The following MMS22L variants were observed in gnomAD, a reference collection of about 807,000 sequenced individuals.
The protein encoded by MMS22L is protein MMS22-like.
MMS22L carries 74 observed loss-of-function variants against 159.1 expected under a neutral mutation model. The observed-to-expected ratio is 0.47, with a 90% CI of 0.39 to 0.56. The LOEUF (loss-of-function observed/expected upper bound fraction) is 0.56. Ranked by LOEUF, MMS22L falls within the 20% of genes least tolerant of loss-of-function variation. MMS22L has a pLI of 0.00. For synonymous variants in MMS22L, 517 were observed against 506.9 expected (o/e 1.02, Z -0.27); for missense variants, 1,351 against 1,422.1 (o/e 0.95, Z 0.80).
intron 11 of MMS22L, among the ~76,000 whole-genome samples, chr6:97,235,168 T>C (rs769285573): frequency 4.6e-5 from 7 of 152,284 alleles, no homozygotes; most frequent in Non-Finnish European, 8.8e-5. Flanking sequence ...ACTATAAGAC[T>C]GAAACTTTAA....
chr6:97,215,956 A>G (rs1016247162), intron 14 of MMS22L, among the ~76,000 whole-genome samples: 1 of 152,168 alleles, frequency 6.6e-6, no homozygotes, highest in Non-Finnish European at 1.5e-5. Flanking sequence ...AGAGAAAAAT[A>G]TATATCTTGT....
At chr6:97,198,012 TTC>T (rs1806724129) in intron 14 of MMS22L, among the ~76,000 whole-genome samples, 1 of 152,180 alleles carries the variant, frequency 6.6e-6, no homozygotes, top group Non-Finnish European at 1.5e-5. Context: ...CACTTCTTGA[TTC>T]TGAGAGATCC....
At chr6:97,272,930 C>T in intron 5 of MMS22L, 45 bp downstream of exon 5, 3 of 1,605,944 alleles carry the variant, frequency 1.9e-6, no homozygotes, top group Non-Finnish European at 2.5e-6. Flanking sequence ...TGTGAATACA[C>T]ACAGAAATTC....
chr6:97,254,574 C>G lies in MMS22L; in HGVS notation c.1102G>C (p.Gly368Arg), dbSNP rs147347920. The G allele has an allele frequency of 5.2e-4, 841 of 1,613,168 alleles. No homozygotes were observed. Among genetic ancestry groups the G allele is most frequent in the Non-Finnish European group, 3.6e-4 (425 of 1,179,642 alleles). Reference protein sequence around the residue: ...VASFYKFDRHGVPDEMRKVES... With the variant: ...VASFYKFDRHRVPDEMRKVES... ...AGTCTTACCATTTCATCTGGTACTC[C>G]ATGGCGATCAAACTTGTAAAATGAT... is the stretch of plus-strand genomic sequence containing the variant. The change falls in exon 10 of 25, where the codon GGA becomes CGA. Residue 368 changes from glycine to arginine, a missense_variant. Gly to Arg is a moderately radical substitution (Grantham distance 125). Transcript: ENST00000683635.
chr6:97,161,911 T>A, intron 22 of MMS22L, 91 bp downstream of exon 22: 2 of 1,227,708 alleles, frequency 1.6e-6, no homozygotes, highest in Non-Finnish European at 2.3e-6. Flanking sequence ...GAATCACATA[T>A]ATTTTGTAAC....
At chr6:97,158,152 G>C (rs1325311657) in intron 22 of MMS22L, among the ~76,000 whole-genome samples, 2 of 152,074 alleles carry the variant, frequency 1.3e-5, no homozygotes, top group Non-Finnish European at 2.9e-5. Context: ...ATTTCTGTGG[G>C]ATCGGTGGTG....
At chr6:97,246,879 T>C (rs925714963) in intron 10 of MMS22L, among the ~76,000 whole-genome samples, 189 bp from the exon 11 acceptor site, 16 of 152,202 alleles carry the variant, frequency 1.1e-4, no homozygotes, top group Non-Finnish European at 7.3e-5. Context: ...GTACAACTAT[T>C]CCAATCCAAT....
At chr6:97,242,402 C>T (rs1366471506) in intron 11 of MMS22L, among the ~76,000 whole-genome samples, 2 of 152,138 alleles carry the variant, frequency 1.3e-5, no homozygotes, top group African/African-American at 2.4e-5. Flanking sequence ...TTGTCTGATA[C>T]AAGAATAGCT....
At chr6:97,173,693 T>C (rs1194444104) in intron 18 of MMS22L, among the ~76,000 whole-genome samples, 5 of 152,062 alleles carry the variant, frequency 3.3e-5, no homozygotes, top group African/African-American at 4.8e-5. Flanking sequence ...ATTATATGAA[T>C]TCACTTTTCT....
In MMS22L at chr6:97,179,522, A is replaced by T. The variant is rs771801355; in HGVS notation, c.2422T>A (p.Ser808Thr). 2 of 1,612,548 alleles carry T rather than the reference A, an allele frequency of 1.2e-6. No homozygotes were observed. Among genetic ancestry groups the T allele is most frequent in the Non-Finnish European group, 1.7e-6 (2 of 1,179,294 alleles). ...CEALSHSGYV[S>T]FQALTVRSWI... ...GATCTTACGGTTAAGGCTTGAAAAG[A>T]TACATAGCCTGAATGAGAAAGTGCT... is the stretch of plus-strand genomic sequence containing the variant. Residue 808 changes from serine (S) to threonine (T), a missense_variant, in exon 17 of 25, where the codon TCT becomes ACT. By Grantham distance (58) the Ser-to-Thr change is moderately conservative. Transcript: ENST00000683635.
At chr6:97,251,627 C>T (rs765099330) in intron 10 of MMS22L, among the ~76,000 whole-genome samples, 61 of 152,284 alleles carry the variant, frequency 4.0e-4, no homozygotes, top group Middle Eastern at 6.8e-3. Flanking sequence ...AAACCTTCTA[C>T]ATAAAATATG....
Position 97,165,472 on chromosome 6 carries a change from A to G in MMS22L, c.3010-15T>C. 6.2e-7 allele frequency: 1 copy of G among 1,602,990 alleles called. No homozygotes were observed. The highest frequency in any genetic ancestry group is 8.5e-7 in the Non-Finnish European group (1 of 1,173,096). ...ATACACATGCCCTACAAGGAAAAAA[A>G]GTAAGAAATACTAAGAGGTAAAGTT... On this transcript the variant is annotated splice_polypyrimidine_tract_variant and intron_variant, in intron 20 of 24. Coordinates refer to ENST00000683635, the MANE Select transcript of MMS22L (RefSeq NM_001350599.2).
At chr6:97,268,378 C>T (rs754973511) in intron 7 of MMS22L, among the ~76,000 whole-genome samples, 80 of 151,976 alleles carry the variant, frequency 5.3e-4, no homozygotes, top group Non-Finnish European at 9.6e-4. Flanking sequence ...TTAGTAGAGA[C>T]GGGGTTTCAC....
chr6:97,222,060 C>T (rs1376356602), intron 14 of MMS22L, among the ~76,000 whole-genome samples: 2 of 152,040 alleles, frequency 1.3e-5, no homozygotes, highest in Non-Finnish European at 2.9e-5. Flanking sequence ...AGCAGCCCCT[C>T]AAGTGAACAG....
intron 22 of MMS22L, 122 bp downstream of exon 22, chr6:97,161,880 C>T (rs889359637): frequency 1.2e-6 from 1 of 862,118 alleles, no homozygotes. Context: ...TTAACCATGA[C>T]CCATATCAAG....
intron 9 of MMS22L, among the ~76,000 whole-genome samples, chr6:97,256,045 A>G (rs1481040946): frequency 6.6e-6 from 1 of 152,116 alleles, no homozygotes. Context: ...CATTGCAGGT[A>G]ATATAATGAC....
At chr6:97,205,474 C>G (rs546012316) in intron 14 of MMS22L, among the ~76,000 whole-genome samples, 1 of 152,246 alleles carries the variant, frequency 6.6e-6, no homozygotes, top group African/African-American at 2.4e-5. Flanking sequence ...GTCTAAACTA[C>G]TCATTTTTCA....
chr6:97,207,799 C>G (rs1036875876), intron 14 of MMS22L, among the ~76,000 whole-genome samples: 29 of 152,116 alleles, frequency 1.9e-4, no homozygotes, highest in African/African-American at 6.5e-4. Flanking sequence ...AATCTCTTAA[C>G]ATTACACATG....
At chr6:97,246,490 C>T (rs1442181427) in intron 11 of MMS22L, 138 bp downstream of exon 11, 2 of 619,392 alleles carry the variant, frequency 3.2e-6, no homozygotes, top group Non-Finnish European at 5.5e-6. Flanking sequence ...CTAAAAGAAA[C>T]TACTGTGAGT....
Sources: gnomAD v4.1 joint callset for allele counts (sites outside exome capture counted in the v4.1 genomes callset) on GRCh38, gnomAD v4.1.1 for gene constraint, MANE v1.5 for transcripts, NCBI Gene and HGNC (gene_info 2026-07-23, HGNC 2026-07-21) for gene names.